Variants in RBM33 observed in about 807,000 individuals in gnomAD.
RBM33 encodes RNA binding motif protein 33, also known as RNA-binding protein 33.
Under a neutral mutation model 132.6 loss-of-function variants are expected in RBM33, and 28 were observed. The observed-to-expected ratio is 0.21, with a 90% CI of 0.16 to 0.29. The LOEUF (loss-of-function observed/expected upper bound fraction) is 0.29, where lower values mean the gene tolerates loss of function less well. Ranked by LOEUF, RBM33 falls within the 10% of genes least tolerant of loss-of-function variation. The pLI is 1.00. For synonymous variants in RBM33, 634 were observed against 593.0 expected, an observed-to-expected ratio of 1.07 and a Z score of -1.01; for missense variants, 1,291 against 1,518.5, an observed-to-expected ratio of 0.85 and a Z score of 2.49.
At chr7:155,675,152 C>G (rs893361081) in intron 3 of RBM33, among the ~76,000 whole-genome samples, 2 of 151,902 alleles carry the variant, frequency 1.3e-5, no homozygotes, top group Non-Finnish European at 2.9e-5. Flanking sequence ...GCTAAAAATA[C>G]AAAAATTAGC....
rs1163375833 is a variant in RBM33, at chr7:155,745,730, A to G, written c.2979+128A>G. On this transcript the variant is annotated intron_variant, in intron 14 of 17. Coordinates refer to ENST00000401878, the MANE Select transcript of RBM33 (RefSeq NM_053043.3). This position sits in a 1 kb window ranked among gnomAD's most constrained non-coding sequence, Gnocchi z 4.1. ...TGTTATAGTCTTGTAACCAATCTCT[A>G]CCTACTTGAAGTTGGTATAAGAATT... The G allele has an allele frequency of 2.2e-6, 2 of 923,424 alleles. No homozygotes were observed. Among genetic ancestry groups the G allele is most frequent in the African/African-American group, 1.7e-5 (1 of 59,672 alleles). The allele number at this position is 923,424 out of a possible 1,614,324, so 57.2% of individuals were successfully genotyped here. A position where few individuals can be genotyped will look rare whatever the true frequency, so the allele number is the denominator to read the frequency against.
chr7:155,689,347 T>C (rs1799567542), intron 5 of RBM33, among the ~76,000 whole-genome samples: 1 of 152,210 alleles, frequency 6.6e-6, no homozygotes, highest in African/African-American at 2.4e-5. Flanking sequence ...ATTGCGTCTA[T>C]TTGATTCTTC....
At chr7:155,673,798 A>ACCCACACACC (rs1554469982) in intron 3 of RBM33, among the ~76,000 whole-genome samples, 1 of 144,002 alleles carries the variant, frequency 6.9e-6, no homozygotes, top group African/African-American at 2.8e-5. Context: ...ACACACACAC[A>ACCCACACACC]CACCCCTACC....
At chr7:155,746,600 T>C (rs1374213315) in intron 14 of RBM33, 1 of 152,222 alleles carries the variant, frequency 6.6e-6, no homozygotes, top group Non-Finnish European at 1.5e-5. Flanking sequence ...CAGAAGATTC[T>C]TCCATAAAGA....
chr7:155,682,634 G>A (rs746484362), intron 5 of RBM33, among the ~76,000 whole-genome samples: 2 of 152,116 alleles, frequency 1.3e-5, no homozygotes, highest in African/African-American at 4.8e-5. Context: ...TAAGCACTGC[G>A]GACACAAATA....
At chr7:155,689,974 T>C (rs1799587003) in intron 5 of RBM33, among the ~76,000 whole-genome samples, 1 of 152,206 alleles carries the variant, frequency 6.6e-6, no homozygotes, top group African/African-American at 2.4e-5. Flanking sequence ...CTTCTGTAGA[T>C]GTCTATTAGG....
chr7:155,668,161 T>A (rs1358697182), intron 2 of RBM33, among the ~76,000 whole-genome samples: 3 of 152,202 alleles, frequency 2.0e-5, no homozygotes, highest in Non-Finnish European at 4.4e-5. Flanking sequence ...CATATATATC[T>A]ACATACATAT....
Position 155,764,027 on chromosome 7 carries a change from T to A in RBM33, c.3186+9T>A. The A allele has an allele frequency of 3.3e-6, 5 of 1,513,898 alleles. No individual in the cohort carries two copies. The highest frequency in any genetic ancestry group is 4.4e-6 in the Non-Finnish European group (5 of 1,129,442). The allele number at this position is 1,513,898 out of a possible 1,614,324, so 93.8% of individuals were successfully genotyped here. On this transcript the variant is annotated intron_variant, in intron 15 of 17. Transcript: ENST00000401878. ...TTCACCCGGCGAAGAAGGTACTGCT[T>A]GTTGCCTCGCACGCAGCCCTGGAAA...
rs1802634385 is a variant in RBM33, at chr7:155,777,003, C to T, written c.*1962C>T. The T allele has an allele frequency of 6.6e-6, 1 of 152,048 alleles. No individual in the cohort carries two copies. The allele number at this position is 152,048 out of a possible 1,614,324, so 9.4% of individuals were successfully genotyped here. A position where few individuals can be genotyped will look rare whatever the true frequency, so the allele number is the denominator to read the frequency against. ...GGCAGTGGGAAGGCCTACCGACTTA[C>T]TTTATCATTGAGGGCTTACTGATAC... is the stretch of plus-strand genomic sequence containing the variant. On this transcript the variant is annotated 3_prime_UTR_variant, in exon 18 of 18. Transcript: ENST00000401878.
chr7:155,715,431 C>T (rs1264199691), intron 8 of RBM33, among the ~76,000 whole-genome samples: 2 of 152,166 alleles, frequency 1.3e-5, no homozygotes, highest in Non-Finnish European at 2.9e-5. Context: ...GTAAAGCTGT[C>T]AGGAAGCCCC....
At chr7:155,664,603 A>G (rs563957985) in intron 1 of RBM33, among the ~76,000 whole-genome samples, 11 of 152,294 alleles carry the variant, frequency 7.2e-5, no homozygotes, top group African/African-American at 2.4e-4. Context: ...TGGATATAGT[A>G]TGTTAAATAA....
chr7:155,722,915 C>T (rs1432757884), intron 9 of RBM33, among the ~76,000 whole-genome samples: 4 of 152,184 alleles, frequency 2.6e-5, no homozygotes, highest in African/African-American at 9.7e-5. Context: ...CCGTTAAATA[C>T]CAGGTAGTTG....
At chr7:155,678,264 C>T (rs1041268683) in intron 3 of RBM33, among the ~76,000 whole-genome samples, 4 of 152,216 alleles carry the variant, frequency 2.6e-5, no homozygotes, top group Admixed American at 2.0e-4. Context: ...TTAGTAGTAC[C>T]TTAAGGATAT....
intron 15 of RBM33, among the ~76,000 whole-genome samples, chr7:155,765,327 G>A (rs2117071108): frequency 6.6e-6 from 1 of 152,298 alleles, no homozygotes; most frequent in African/African-American, 2.4e-5. Flanking sequence ...TCCAGCCAGG[G>A]TAACTGTAAC....
intron 5 of RBM33, among the ~76,000 whole-genome samples, chr7:155,689,028 A>G (rs1237907144): frequency 6.6e-6 from 1 of 152,142 alleles, no homozygotes; most frequent in African/African-American, 2.4e-5. Context: ...TATTGATTGG[A>G]ATAGTTTCGG....
rs992707864 is a variant in RBM33 at position 155,771,125 on chromosome 7, C to A, written c.3376-3434C>A. On this transcript the variant is annotated intron_variant, in intron 16 of 17. Transcript: ENST00000401878. ...TGAAGAAGGAGGTCCTTACATAGGT[C>A]AGTATGTAGACTTGAGACAAATTCT... 2.0e-5 allele frequency among the ~76,000 whole-genome samples: 3 copies of A among 152,182 alleles called. No homozygotes were observed. In the East Asian group the frequency reaches 5.8e-4, roughly 29 times the overall value.
intron 16 of RBM33, among the ~76,000 whole-genome samples, chr7:155,771,279 C>T (rs1276914907): frequency 6.6e-6 from 1 of 152,202 alleles, no homozygotes; most frequent in Non-Finnish European, 1.5e-5. Context: ...TGGAAAGTTT[C>T]TTTTCCTCTG....
At chr7:155,674,072 C>T (rs1024765943) in intron 3 of RBM33, among the ~76,000 whole-genome samples, 2 of 150,160 alleles carry the variant, frequency 1.3e-5, no homozygotes, top group Admixed American at 6.7e-5. Context: ...GCCTGCAGGT[C>T]GCCTGGCTTT....
chr7:155,765,151 C>T (rs1008046807), intron 15 of RBM33, among the ~76,000 whole-genome samples: 4 of 152,158 alleles, frequency 2.6e-5, no homozygotes, highest in Non-Finnish European at 5.9e-5. Context: ...GACTGAGGGT[C>T]ATGATGTTTC....
Sources: allele counts gnomAD v4.1 joint callset (sites outside exome capture counted in the v4.1 genomes callset), GRCh38; gene constraint gnomAD v4.1.1; non-coding constraint Gnocchi (gnomAD v3.1); transcripts MANE v1.5; gene names NCBI Gene and HGNC (gene_info 2026-07-23, HGNC 2026-07-21).